GNAI1: variants seen among roughly 807,000 people sequenced by gnomAD.
GNAI1 encodes G protein subunit alpha i1, also known as guanine nucleotide-binding protein G(i) subunit alpha-1.
Under a neutral mutation model 38.9 loss-of-function variants are expected in GNAI1, and 11 were observed. The ratio of observed to expected loss-of-function variants is 0.28; its 90% CI spans 0.18 to 0.47. The LOEUF (loss-of-function observed/expected upper bound fraction) is 0.47, where lower values mean the gene tolerates loss of function less well. GNAI1 is among the 20% of genes least tolerant of loss of function. GNAI1 has a pLI of 0.99. For synonymous variants in GNAI1, 166 were observed against 145.1 expected (o/e 1.14, Z -1.04); for missense variants, 317 against 436.9 (o/e 0.73, Z 2.45).
intron 3 of GNAI1, among the ~76,000 whole-genome samples, chr7:80,195,908 T>G (rs1788561690): frequency 6.6e-6 from 1 of 152,026 alleles, no homozygotes; most frequent in Non-Finnish European, 1.5e-5. Flanking sequence ...ATGCTCCTTT[T>G]TCTGCTCTGT....
Position 80,220,803 on chromosome 7 carries a change from T to G in GNAI1, c.*3310T>G, listed in dbSNP as rs1789059094. Among the ~76,000 whole-genome samples the G allele has an allele frequency of 6.6e-6, 1 of 152,204 alleles. No homozygotes were observed. Among genetic ancestry groups the G allele is most frequent in the South Asian group, 2.1e-4 (1 of 4,834 alleles). On this transcript the variant is annotated 3_prime_UTR_variant, in exon 8 of 8. Transcript: ENST00000649796. ...TTTAAACCTAGAGCTTCTGACTCCA[T>G]GTCTGTCAGAGGACCCCAAAGATGC...
chr7:80,213,498 A>G (rs1331604327), intron 7 of GNAI1, among the ~76,000 whole-genome samples: 1 of 152,152 alleles, frequency 6.6e-6, no homozygotes, highest in African/African-American at 2.4e-5. Context: ...CAGTTAGTTC[A>G]CCTAGGTCTC....
chr7:80,172,402 A>C (rs1341877588), intron 1 of GNAI1, among the ~76,000 whole-genome samples: 2 of 152,220 alleles, frequency 1.3e-5, no homozygotes, highest in East Asian at 1.9e-4. Flanking sequence ...CCTTTGTCTC[A>C]TGGGATCAGA....
At chr7:80,204,628 GT>G (rs1483107389) in intron 5 of GNAI1, among the ~76,000 whole-genome samples, 1 of 152,136 alleles carries the variant, frequency 6.6e-6, no homozygotes, top group East Asian at 1.9e-4. Flanking sequence ...TTCCTGGTCA[GT>G]TAATCTGTTT....
intron 1 of GNAI1, among the ~76,000 whole-genome samples, chr7:80,169,013 T>G (rs1774152487): frequency 6.6e-6 from 1 of 152,224 alleles, no homozygotes; most frequent in Non-Finnish European, 1.5e-5. Flanking sequence ...TAATGTTGCT[T>G]GTTCTGTCCC....
intron 5 of GNAI1, among the ~76,000 whole-genome samples, chr7:80,207,449 A>T (rs1402396498): frequency 6.6e-6 from 1 of 152,020 alleles, no homozygotes; most frequent in African/African-American, 2.4e-5. Flanking sequence ...TACTCCATTT[A>T]GGCTTCTTGG....
intron 1 of GNAI1, among the ~76,000 whole-genome samples, chr7:80,151,664 C>T (rs1787729031): frequency 6.6e-6 from 1 of 152,218 alleles, no homozygotes; most frequent in Non-Finnish European, 1.5e-5. Context: ...GTGTTCCCCA[C>T]CAAGTGGCTG....
chr7:80,138,332 C>T (rs1032818317), intron 1 of GNAI1, among the ~76,000 whole-genome samples: 5 of 152,114 alleles, frequency 3.3e-5, no homozygotes, highest in African/African-American at 1.2e-4. Context: ...TTTCACTATA[C>T]TGAGCAGTGA....
chr7:80,177,602 C>T (rs1449229377), intron 1 of GNAI1, among the ~76,000 whole-genome samples: 1 of 152,176 alleles, frequency 6.6e-6, no homozygotes. Context: ...CCTCCATAGC[C>T]TCCCATGTAG....
rs1366861626 is a variant in GNAI1, at chr7:80,139,619, A to ATTATATGCTT, written c.118+4341_118+4342insTTATATGCTT. On this transcript the variant is annotated intron_variant, in intron 1 of 7. Transcript: ENST00000649796. ...TGTAAAATGGCTTCTTAATTATGTA[A>ATTATATGCTT]AATTATTATCTTGCTGGAATATAAA... 2.0e-4 allele frequency among the ~76,000 whole-genome samples: 31 copies of ATTATATGCTT among 152,324 alleles called. No homozygotes were observed. The East Asian group carries it at 5.4e-3, about 27-fold the overall frequency.
At chr7:80,211,169 T>A in intron 6 of GNAI1, 71 bp downstream of exon 6, 3 of 1,333,166 alleles carry the variant, frequency 2.3e-6, no homozygotes, top group Non-Finnish European at 3.2e-6. Flanking sequence ...AATTTCTTTC[T>A]AATGTCTATA....
At chr7:80,152,526 G>A (rs1418031083) in intron 1 of GNAI1, among the ~76,000 whole-genome samples, 2 of 150,310 alleles carry the variant, frequency 1.3e-5, no homozygotes, top group African/African-American at 2.4e-5. Flanking sequence ...CCAACTTAAG[G>A]ATCTAATCTG....
intron 1 of GNAI1, among the ~76,000 whole-genome samples, chr7:80,157,998 C>G (rs539464965): frequency 1.1e-3 from 170 of 152,278 alleles, no homozygotes; most frequent in African/African-American, 4.0e-3. Flanking sequence ...CATAAGCCAC[C>G]ACACCCGGCC....
intron 1 of GNAI1, among the ~76,000 whole-genome samples, chr7:80,164,786 T>A (rs1787985183): frequency 6.6e-6 from 1 of 152,200 alleles, no homozygotes; most frequent in Non-Finnish European, 1.5e-5. Flanking sequence ...TCAAATTTCC[T>A]TTGATGAGTT....
At chr7:80,167,560 C>A (rs964791999) in intron 1 of GNAI1, among the ~76,000 whole-genome samples, 2 of 152,138 alleles carry the variant, frequency 1.3e-5, no homozygotes, top group Non-Finnish European at 2.9e-5. Flanking sequence ...TTACTAAAAA[C>A]CACTATAATA....
intron 1 of GNAI1, among the ~76,000 whole-genome samples, chr7:80,163,959 G>A (rs1787966980): frequency 7.0e-6 from 1 of 142,326 alleles, no homozygotes; most frequent in South Asian, 2.2e-4. Context: ...TGTCAAACTG[G>A]TGCTTTCTTT....
At chr7:80,140,951 T>C (rs1787515576) in intron 1 of GNAI1, among the ~76,000 whole-genome samples, 1 of 152,170 alleles carries the variant, frequency 6.6e-6, no homozygotes, top group African/African-American at 2.4e-5. Context: ...TCATGGTGCC[T>C]TCTCCATCTC....
intron 1 of GNAI1, among the ~76,000 whole-genome samples, chr7:80,156,821 G>A (rs1787826901): frequency 6.6e-6 from 1 of 151,966 alleles, no homozygotes; most frequent in African/African-American, 2.4e-5. Context: ...GTAGTTTTAG[G>A]TTCACAGTAC....
Position 80,135,066 on chromosome 7 carries a change from TCGAACGCCCG to T in GNAI1, c.-93_-84del. On this transcript the variant is annotated 5_prime_UTR_variant, in exon 1 of 8. Coordinates refer to ENST00000649796, the MANE Select transcript of GNAI1 (RefSeq NM_002069.6). ...CGGCGTGGCCCCCGTCGGGAGGCGT[TCGAACGCCCG>T]CTAGGAGAGAGAAAGGATTCCCCTG... 1 of 798,454 alleles carries T rather than the reference TCGAACGCCCG, an allele frequency of 1.3e-6. No individual in the cohort carries two copies. Among genetic ancestry groups the T allele is most frequent in the Admixed American group, 3.9e-5 (1 of 25,654 alleles). The allele number at this position is 798,454 out of a possible 1,614,324, so 49.5% of individuals were successfully genotyped here.
Sources: allele counts gnomAD v4.1 joint callset (sites outside exome capture counted in the v4.1 genomes callset), GRCh38; gene constraint gnomAD v4.1.1; transcripts MANE v1.5; gene names NCBI Gene and HGNC (gene_info 2026-07-23, HGNC 2026-07-21).